SOCS6: variants seen among roughly 807,000 people sequenced by gnomAD.
SOCS6 encodes the protein STAT induced STAT inhibitor-4.
Under a neutral mutation model 27.7 loss-of-function variants are expected in SOCS6, and 5 were observed. That is an observed-to-expected ratio of 0.18 (90% CI 0.09 to 0.38). SOCS6 has a LOEUF of 0.38. Ranked by LOEUF, SOCS6 falls within the 10% of genes least tolerant of loss-of-function variation. SOCS6 has a pLI of 1.00. For missense variants in SOCS6, 595 were observed against 688.1 expected, an observed-to-expected ratio of 0.86 and a Z score of 1.51; for synonymous variants, 271 against 260.0, an observed-to-expected ratio of 1.04 and a Z score of -0.41.
intron 1 of SOCS6, among the ~76,000 whole-genome samples, chr18:70,324,202 T>C (rs1911097268): frequency 6.6e-6 from 1 of 151,702 alleles, no homozygotes; most frequent in African/African-American, 2.4e-5. Context: ...CTTGGGAGGC[T>C]GAGGCAGGAG....
chr18:70,306,651 C>G (rs967101668), intron 1 of SOCS6, among the ~76,000 whole-genome samples: 4 of 151,992 alleles, frequency 2.6e-5, no homozygotes, highest in African/African-American at 9.7e-5. Context: ...ATGTCCTTGT[C>G]TTGCCCCCAG....
At chr18:70,310,915 G>T (rs556548513) in intron 1 of SOCS6, among the ~76,000 whole-genome samples, 1 of 152,220 alleles carries the variant, frequency 6.6e-6, no homozygotes, top group East Asian at 1.9e-4. Context: ...ATTAAACTAA[G>T]GTTCAGTTTG....
chr18:70,325,463 T>C lies in SOCS6; in HGVS notation c.795T>C (p.Asp265=), dbSNP rs369812076. ...TGGGAGGGCGCGCTTTCCCCGAGGA[T>C]GAGAGTCAGGTAGACCAGGACCTAG... ...PQVGGRAFPE[D]ESQVDQDLVV... is the part of the protein sequence containing the mutation. The change falls in exon 2 of 2, where the codon GAT becomes GAC. Residue 265 remains aspartate, a synonymous_variant. Coordinates refer to ENST00000397942, the MANE Select transcript of SOCS6 (RefSeq NM_004232.4). This position sits in a 1 kb window ranked among gnomAD's most constrained non-coding sequence, Gnocchi z 6.3. 1.2e-6 allele frequency: 2 copies of C among 1,613,876 alleles called. No individual in the cohort carries two copies. The highest frequency in any genetic ancestry group is 8.5e-7 in the Non-Finnish European group (1 of 1,179,782).
intron 1 of SOCS6, 84 bp from the exon 2 acceptor site, chr18:70,324,458 GA>G: frequency 2.3e-6 from 1 of 428,238 alleles, no homozygotes; most frequent in Non-Finnish European, 4.1e-6. Flanking sequence ...TTCTCGTTCA[GA>G]AGTTAAAGGA....
chr18:70,317,142 T>A (rs1019074207), intron 1 of SOCS6, among the ~76,000 whole-genome samples: 5 of 152,360 alleles, frequency 3.3e-5, no homozygotes, highest in African/African-American at 9.6e-5. Flanking sequence ...GAGATTTGGG[T>A]TCAGCCATCA....
chr18:70,314,671 TCA>T (rs2062404424), intron 1 of SOCS6, among the ~76,000 whole-genome samples: 1 of 152,224 alleles, frequency 6.6e-6, no homozygotes, highest in Non-Finnish European at 1.5e-5. Flanking sequence ...TACCTGTTGT[TCA>T]GCTGCATCTA....
At chr18:70,322,355 T>C (rs1911022320) in intron 1 of SOCS6, among the ~76,000 whole-genome samples, 1 of 152,222 alleles carries the variant, frequency 6.6e-6, no homozygotes. Flanking sequence ...ATAGAACTTT[T>C]ATAGTTTGTA....
At chr18:70,289,772 C>G (rs1010848480) in intron 1 of SOCS6, among the ~76,000 whole-genome samples, 6 of 152,112 alleles carry the variant, frequency 3.9e-5, no homozygotes, top group African/African-American at 1.4e-4. Flanking sequence ...GCGCACTCAC[C>G]CGGGTGTAGG....
intron 1 of SOCS6, among the ~76,000 whole-genome samples, chr18:70,299,530 TTTTCTCTTCA>T (rs1451462232): frequency 2.0e-5 from 3 of 152,240 alleles, no homozygotes; most frequent in Non-Finnish European, 4.4e-5. Flanking sequence ...AATCCTTTCC[TTTTCTCTTCA>T]TTTCTCTTCA....
Position 70,306,948 on chromosome 18 carries a change from A to G in SOCS6, c.-126-17595A>G, listed in dbSNP as rs565747078. Among the ~76,000 whole-genome samples the G allele has an allele frequency of 1.6e-4, 24 of 152,242 alleles. No individual in the cohort carries two copies. The South Asian group carries it at 3.5e-3, about 22-fold the overall frequency. On this transcript the variant is annotated intron_variant, in intron 1 of 1. Transcript: ENST00000397942. ...TATAATGCTTTTTATATGTTGCTGAATTCAGTTTGCTGATGTTTTGTTAAG... is the reference window on the plus strand; with the variant it reads ...TATAATGCTTTTTATATGTTGCTGAGTTCAGTTTGCTGATGTTTTGTTAAG...
chr18:70,311,599 TAA>T (rs760699994), intron 1 of SOCS6, among the ~76,000 whole-genome samples: 5 of 152,116 alleles, frequency 3.3e-5, no homozygotes, highest in African/African-American at 4.8e-5. Flanking sequence ...ATACAGAAAA[TAA>T]AAGTCAACTT....
intron 1 of SOCS6, among the ~76,000 whole-genome samples, chr18:70,295,158 A>C (rs150270728): frequency 3.3e-5 from 5 of 152,244 alleles, no homozygotes; most frequent in Admixed American, 6.5e-5. Context: ...CTGAGATTAT[A>C]CTTAATATAC....
At chr18:70,303,835 C>T (rs2062358299) in intron 1 of SOCS6, among the ~76,000 whole-genome samples, 2 of 152,104 alleles carry the variant, frequency 1.3e-5, no homozygotes, top group African/African-American at 2.4e-5. Context: ...TTCAGGCAAT[C>T]AATACAACCA....
At chr18:70,324,057 C>G (rs1023718527) in intron 1 of SOCS6, among the ~76,000 whole-genome samples, 6 of 152,130 alleles carry the variant, frequency 3.9e-5, no homozygotes, top group African/African-American at 1.4e-4. Context: ...AATCCCAGCA[C>G]TTTGGGAGGC....
Position 70,326,334 on chromosome 18 carries a change from G to C in SOCS6, c.*58G>C. On this transcript the variant is annotated 3_prime_UTR_variant, in exon 2 of 2. Transcript: ENST00000397942. ...AATAAGAACAAGAGATTGAAATACA[G>C]TTTACAAACTTTCATTGCCATCAAA... The C allele has an allele frequency of 7.1e-7, 1 of 1,400,910 alleles. No individual in the cohort carries two copies. The highest frequency in any genetic ancestry group is 9.8e-7 in the Non-Finnish European group (1 of 1,025,488). The allele number at this position is 1,400,910 out of a possible 1,614,324, so 86.8% of individuals were successfully genotyped here. A position where few individuals can be genotyped will look rare whatever the true frequency, so the allele number is the denominator to read the frequency against.
At position 70,328,544 on chromosome 18, in the gene SOCS6, A is replaced by T. The variant is rs1176751373; in HGVS notation, c.*2268A>T. On this transcript the variant is annotated 3_prime_UTR_variant, in exon 2 of 2. Coordinates refer to ENST00000397942, the MANE Select transcript of SOCS6 (RefSeq NM_004232.4). The stretch of plus-strand genomic sequence containing the variant: ...ATTGTATTTTGTGTTTTAGTGGAGG[A>T]CAGTCTTGATACTGTTCTAATTCAG... The T allele has an allele frequency of 6.0e-6, 1 of 166,930 alleles. No homozygotes were observed. Among genetic ancestry groups the T allele is most frequent in the Non-Finnish European group, 1.5e-5 (1 of 68,114 alleles). 10.3% of individuals were successfully genotyped at this position (166,930 alleles called of 1,614,324 possible). A position where few individuals can be genotyped will look rare whatever the true frequency, so the allele number is the denominator to read the frequency against.
intron 1 of SOCS6, among the ~76,000 whole-genome samples, chr18:70,317,417 A>G (rs1283692913): frequency 1.4e-5 from 2 of 140,122 alleles, no homozygotes; most frequent in Non-Finnish European, 3.1e-5. Context: ...GTAGTATTCC[A>G]TGGTGTGTGT....
At chr18:70,296,102 C>G (rs1056751075) in intron 1 of SOCS6, among the ~76,000 whole-genome samples, 1 of 152,146 alleles carries the variant, frequency 6.6e-6, no homozygotes, top group Non-Finnish European at 1.5e-5. Context: ...AGTGGGGTTC[C>G]TTGTTTTCAG....
chr18:70,321,967 G>C (rs944539789), intron 1 of SOCS6, among the ~76,000 whole-genome samples: 21 of 152,166 alleles, frequency 1.4e-4, no homozygotes, highest in Admixed American at 2.0e-4. Flanking sequence ...TGAAGGTTAA[G>C]TAGTTGTTTG....
Sources: gnomAD v4.1 joint callset for allele counts (sites outside exome capture counted in the v4.1 genomes callset) on GRCh38, gnomAD v4.1.1 for gene constraint, Gnocchi (gnomAD v3.1) non-coding constraint, MANE v1.5 for transcripts, NCBI Gene and HGNC (gene_info 2026-07-23, HGNC 2026-07-21) for gene names.